The following CPNE4 variants were observed in gnomAD, a reference collection of about 807,000 sequenced individuals.
The protein encoded by CPNE4 is copine 4.
A neutral mutation model predicts 67.9 loss-of-function variants in CPNE4; 25 were observed. The ratio of observed to expected loss-of-function variants is 0.37; its 90% confidence interval spans 0.27 to 0.51. The LOEUF is 0.51. Ranked by LOEUF, CPNE4 falls within the 20% of genes least tolerant of loss-of-function variation. The pLI, the probability that CPNE4 is intolerant of heterozygous loss-of-function variation, is 0.93. For missense variants in CPNE4, 464 were observed against 690.8 expected (o/e 0.67, Z 3.68); for synonymous variants, 242 against 244.9 (o/e 0.99, Z 0.11).
chr3:131,988,390 A>G (rs2073103506), intron 1 of CPNE4, among the ~76,000 whole-genome samples: 1 of 152,324 alleles, frequency 6.6e-6, no homozygotes, highest in Non-Finnish European at 1.5e-5. Flanking sequence ...TGGCATAATC[A>G]GATTTGCATT....
At chr3:131,871,697 T>C (rs1040950287) in intron 2 of CPNE4, among the ~76,000 whole-genome samples, 1 of 152,122 alleles carries the variant, frequency 6.6e-6, no homozygotes, top group East Asian at 1.9e-4. Flanking sequence ...GTGGAAAAAA[T>C]AAGGATGTGG....
chr3:131,937,117 GAAT>G (rs934212608), intron 1 of CPNE4, among the ~76,000 whole-genome samples: 4 of 152,100 alleles, frequency 2.6e-5, no homozygotes, highest in African/African-American at 9.7e-5. Context: ...TTGTGAAACA[GAAT>G]AATTAAAAAC....
intron 2 of CPNE4, among the ~76,000 whole-genome samples, chr3:131,794,523 G>A (rs574849489): frequency 1.8e-4 from 27 of 152,290 alleles, no homozygotes; most frequent in Admixed American, 9.2e-4. Context: ...GATTACTGGC[G>A]TGAGCCACCA....
intron 2 of CPNE4, among the ~76,000 whole-genome samples, chr3:131,751,910 C>T (rs1246471249): frequency 6.6e-6 from 1 of 152,062 alleles, no homozygotes. Flanking sequence ...CTTGAGGCTC[C>T]TTATTACTGC....
intron 1 of CPNE4, among the ~76,000 whole-genome samples, chr3:131,950,352 C>G (rs1560659361): frequency 1.3e-5 from 2 of 152,190 alleles, no homozygotes; most frequent in Non-Finnish European, 2.9e-5. Context: ...TTTCAGATCA[C>G]TGGATAACAC....
chr3:131,797,453 A>G (rs2083948017), intron 2 of CPNE4, among the ~76,000 whole-genome samples: 2 of 152,136 alleles, frequency 1.3e-5, no homozygotes, highest in Admixed American at 6.5e-5. Flanking sequence ...TGTGGCCAAA[A>G]GTGTTCGCTA....
intron 2 of CPNE4, among the ~76,000 whole-genome samples, chr3:131,839,267 A>C (rs1252948520): frequency 6.6e-6 from 1 of 151,950 alleles, no homozygotes; most frequent in East Asian, 1.9e-4. Context: ...TACATTATAG[A>C]GAATAAGTCA....
At chr3:131,619,287 T>C (rs1940334467) in intron 7 of CPNE4, among the ~76,000 whole-genome samples, 1 of 152,196 alleles carries the variant, frequency 6.6e-6, no homozygotes, top group African/African-American at 2.4e-5. Context: ...TGAAAGCCTG[T>C]GTAATTACAC....
chr3:131,577,742 C>T (rs953986701), intron 9 of CPNE4, among the ~76,000 whole-genome samples: 1 of 152,106 alleles, frequency 6.6e-6, no homozygotes, highest in Non-Finnish European at 1.5e-5. Context: ...ACCTTATAAA[C>T]ACTTAAGCTA....
chr3:131,988,611 T>G (rs191678367), intron 1 of CPNE4, among the ~76,000 whole-genome samples: 341 of 152,264 alleles, frequency 2.2e-3, no homozygotes, highest in African/African-American at 7.9e-3. Context: ...AAGATGACTT[T>G]GAGTGTTCTC....
intron 1 of CPNE4, among the ~76,000 whole-genome samples, chr3:131,946,460 C>G (rs1207691490): frequency 2.6e-5 from 4 of 152,092 alleles, no homozygotes; most frequent in Non-Finnish European, 5.9e-5. Context: ...CACCTTTTGG[C>G]TATTGTGAAT....
At chr3:131,771,533 GCTT>G (rs1251374685) in intron 2 of CPNE4, among the ~76,000 whole-genome samples, 1 of 152,018 alleles carries the variant, frequency 6.6e-6, no homozygotes, top group Non-Finnish European at 1.5e-5. Context: ...CTCCCCTCTT[GCTT>G]CTTCTCTCGC....
chr3:132,026,028 A>G (rs141958880), intron 1 of CPNE4, among the ~76,000 whole-genome samples: 144 of 152,372 alleles, frequency 9.5e-4, no homozygotes, highest in Middle Eastern at 6.8e-3. Context: ...AGATACAACT[A>G]TGTGCAGTAG....
At chr3:131,938,609 C>A (rs73206099) in intron 1 of CPNE4, among the ~76,000 whole-genome samples, 1 of 151,946 alleles carries the variant, frequency 6.6e-6, no homozygotes, top group Admixed American at 6.6e-5. Context: ...GAAGCAGGCA[C>A]CTTCTTCACA....
In CPNE4 at chr3:131,565,850, A is replaced by T. The variant is rs76523783; in HGVS notation, c.928-1501T>A. On this transcript the variant is annotated intron_variant, in intron 10 of 15. Transcript: ENST00000429747. ...AAAAAAAAAAAGGTTATCTGAAGAA[A>T]AATTGCAGTTCTTCCCTGAACCTTA... Among the ~76,000 whole-genome samples the T allele has an allele frequency of 4.8e-3, 736 of 152,004 alleles. 17 individuals carry two copies. The East Asian group carries it at 0.058, about 12-fold the overall frequency.
chr3:131,895,749 C>T (rs1560556981), intron 2 of CPNE4, among the ~76,000 whole-genome samples: 1 of 151,966 alleles, frequency 6.6e-6, no homozygotes, highest in Non-Finnish European at 1.5e-5. Context: ...ATATTTCAAA[C>T]AAATAATTGC....
At chr3:131,821,112 G>A (rs1477391589) in intron 2 of CPNE4, among the ~76,000 whole-genome samples, 1 of 152,150 alleles carries the variant, frequency 6.6e-6, no homozygotes, top group African/African-American at 2.4e-5. Flanking sequence ...AGGAGGAGGA[G>A]GTTGGCTTAC....
chr3:131,956,655 A>C (rs1346351554), intron 1 of CPNE4, among the ~76,000 whole-genome samples: 1 of 152,182 alleles, frequency 6.6e-6, no homozygotes, highest in South Asian at 2.1e-4. Flanking sequence ...AAACTATATA[A>C]ATATCCAAAA....
chr3:131,570,166 A>G (rs1454837941), intron 10 of CPNE4, among the ~76,000 whole-genome samples: 1 of 151,888 alleles, frequency 6.6e-6, no homozygotes, highest in Non-Finnish European at 1.5e-5. Flanking sequence ...ACTGTAATTC[A>G]TGTAGCCATT....
Sources: allele counts gnomAD v4.1 joint callset (sites outside exome capture counted in the v4.1 genomes callset), GRCh38; gene constraint gnomAD v4.1.1; transcripts MANE v1.5; gene names NCBI Gene and HGNC (gene_info 2026-07-23, HGNC 2026-07-21).